TAFA5: variants seen among roughly 807,000 people sequenced by gnomAD.
TAFA5 encodes the protein chemokine-like protein TAFA-5.
Under a neutral mutation model 15.3 loss-of-function variants are expected in TAFA5, and 6 were observed. The observed-to-expected ratio is 0.39, with a 90% CI of 0.21 to 0.77. The LOEUF (loss-of-function observed/expected upper bound fraction) is 0.77, where lower values mean the gene tolerates loss of function less well. Among genes scored for constraint, TAFA5 ranks in the 30% least tolerant of loss-of-function variants. The probability of loss-of-function intolerance (pLI) is 0.41; values close to 1 mark genes in which losing one functional copy is unlikely to be tolerated. For synonymous variants in TAFA5, 103 were observed against 80.7 expected (o/e 1.28, Z -1.48); for missense variants, 161 against 193.1 (o/e 0.83, Z 0.98).
chr22:48,725,346 TA>T (rs1197407570), intron 3 of TAFA5, among the ~76,000 whole-genome samples: 8 of 152,026 alleles, frequency 5.3e-5, no homozygotes, highest in East Asian at 1.9e-4. Context: ...TATGAGCCCG[TA>T]AAAAAGTAAT....
chr22:48,608,805 G>T (rs186655970), intron 1 of TAFA5, among the ~76,000 whole-genome samples: 1 of 152,178 alleles, frequency 6.6e-6, no homozygotes, highest in Non-Finnish European at 1.5e-5. Flanking sequence ...CCAGGCCTTC[G>T]TTCCAACAGA....
chr22:48,719,746 C>A (rs1237702399), intron 3 of TAFA5, among the ~76,000 whole-genome samples: 2 of 152,238 alleles, frequency 1.3e-5, no homozygotes, highest in Non-Finnish European at 2.9e-5. Context: ...TCCCTGTCTG[C>A]AATCCATTTT....
chr22:48,647,752 T>G (rs1236280690), intron 2 of TAFA5, among the ~76,000 whole-genome samples: 2 of 151,982 alleles, frequency 1.3e-5, no homozygotes, highest in Admixed American at 6.5e-5. Flanking sequence ...CCAGGCAGCC[T>G]TGGGGTGAAG....
chr22:48,680,406 T>C (rs85633), intron 2 of TAFA5, among the ~76,000 whole-genome samples: 103,366 of 151,994 alleles, frequency 0.68, 36,218 homozygotes, highest in Non-Finnish European at 0.74. Flanking sequence ...CAGTCCCTGC[T>C]GCCGGGGCCC....
chr22:48,611,876 G>C (rs1316110967), intron 1 of TAFA5, among the ~76,000 whole-genome samples: 1 of 152,224 alleles, frequency 6.6e-6, no homozygotes, highest in South Asian at 2.1e-4. Context: ...GCGGCCCTGA[G>C]GGCTGCTGAG....
chr22:48,701,947 C>T (rs1005103322), intron 2 of TAFA5, among the ~76,000 whole-genome samples: 1 of 152,110 alleles, frequency 6.6e-6, no homozygotes, highest in Non-Finnish European at 1.5e-5. Context: ...GGCCTTGGAG[C>T]GGGAGCTGGC....
At chr22:48,591,853 C>T (rs1336996224) in intron 1 of TAFA5, among the ~76,000 whole-genome samples, 5 of 152,204 alleles carry the variant, frequency 3.3e-5, no homozygotes, top group Admixed American at 2.0e-4. Flanking sequence ...ACCTCCCCCA[C>T]GGAGTCTCCC....
intron 1 of TAFA5, among the ~76,000 whole-genome samples, chr22:48,555,364 C>T (rs1381566353): frequency 3.9e-5 from 6 of 152,170 alleles, no homozygotes; most frequent in Admixed American, 2.6e-4. Context: ...GCAGAGCAAG[C>T]GGAGCTCAGC....
intron 1 of TAFA5, among the ~76,000 whole-genome samples, chr22:48,645,641 A>C (rs1926834382): frequency 6.6e-6 from 1 of 151,908 alleles, no homozygotes; most frequent in African/African-American, 2.4e-5. Flanking sequence ...TGGGGAGCAG[A>C]GGTGGTGTGA....
intron 2 of TAFA5, among the ~76,000 whole-genome samples, chr22:48,662,139 G>A (rs1407421403): frequency 6.6e-6 from 1 of 152,186 alleles, no homozygotes; most frequent in Non-Finnish European, 1.5e-5. Context: ...AGGTGGACGT[G>A]GGGCTGGGGC....
At chr22:48,547,810 A>G (rs538734574) in intron 1 of TAFA5, among the ~76,000 whole-genome samples, 35 of 152,286 alleles carry the variant, frequency 2.3e-4, no homozygotes, top group Admixed American at 2.3e-3. Flanking sequence ...GTCTCTCTCC[A>G]GAGGACTCTG....
intron 1 of TAFA5, among the ~76,000 whole-genome samples, chr22:48,631,626 C>G (rs866597956): frequency 6.6e-6 from 1 of 152,200 alleles, no homozygotes; most frequent in Non-Finnish European, 1.5e-5. Flanking sequence ...TCCCGAGCCC[C>G]GTGTTAACTG....
intron 1 of TAFA5, among the ~76,000 whole-genome samples, chr22:48,638,315 C>T (rs1237998356): frequency 8.0e-6 from 1 of 125,146 alleles, no homozygotes; most frequent in Non-Finnish European, 1.7e-5. Context: ...GCAACAACCC[C>T]CCCCACACAC....
chr22:48,544,730 C>G (rs1922596998), intron 1 of TAFA5: 3 of 471,194 alleles, frequency 6.4e-6, no homozygotes, highest in Non-Finnish European at 1.3e-5. Context: ...GTCTCAGTCC[C>G]CACTCCGGGC....
chr22:48,719,153 G>T (rs1276184231), intron 3 of TAFA5, among the ~76,000 whole-genome samples: 1 of 152,182 alleles, frequency 6.6e-6, no homozygotes. Flanking sequence ...CTCGCCAGGG[G>T]CCCTGGCCTG....
chr22:48,648,588 C>G (rs1926946628), intron 2 of TAFA5, among the ~76,000 whole-genome samples: 1 of 152,172 alleles, frequency 6.6e-6, no homozygotes, highest in African/African-American at 2.4e-5. Flanking sequence ...CGCCTGCAAT[C>G]CCAGTACTAT....
At chr22:48,666,122 G>A (rs2147218049) in intron 2 of TAFA5, among the ~76,000 whole-genome samples, 1 of 152,308 alleles carries the variant, frequency 6.6e-6, no homozygotes. Context: ...GCATTGCAGA[G>A]GCCACTGTGT....
chr22:48,682,037 A>G (rs1307431417), intron 2 of TAFA5, among the ~76,000 whole-genome samples: 1 of 56,678 alleles, frequency 1.8e-5, no homozygotes, highest in Non-Finnish European at 6.0e-5. Context: ...CGGCTCCCCA[A>G]GGCCGTCCTC....
At chr22:48,735,374 A>G in intron 3 of TAFA5, among the ~76,000 whole-genome samples, 1 of 152,230 alleles carries the variant, frequency 6.6e-6, no homozygotes, top group African/African-American at 2.4e-5. Flanking sequence ...TAACCTTGTG[A>G]TAGACGCACA....
Sources: allele counts gnomAD v4.1 joint callset (sites outside exome capture counted in the v4.1 genomes callset), GRCh38; gene constraint gnomAD v4.1.1; transcripts MANE v1.5; gene names NCBI Gene and HGNC (gene_info 2026-07-23, HGNC 2026-07-21).